The following GABRB3 variants were observed in gnomAD, a reference collection of about 807,000 sequenced individuals.
GABRB3 encodes the protein gamma-aminobutyric acid type A receptor subunit beta3.
Under a neutral mutation model 52.1 loss-of-function variants are expected in GABRB3, and 14 were observed. The ratio of observed to expected loss-of-function variants is 0.27; its 90% confidence interval spans 0.18 to 0.42. The LOEUF (loss-of-function observed/expected upper bound fraction) is 0.42, where lower values mean the gene tolerates loss of function less well. Among genes scored for constraint, GABRB3 ranks in the 10% least tolerant of loss-of-function variants. GABRB3 has a pLI of 1.00. For missense variants in GABRB3, 307 were observed against 609.1 expected (o/e 0.50, Z 5.22); for synonymous variants, 260 against 232.3 (o/e 1.12, Z -1.08).
At chr15:26,668,310 G>A (rs1887778434) in intron 3 of GABRB3, among the ~76,000 whole-genome samples, 1 of 152,188 alleles carries the variant, frequency 6.6e-6, no homozygotes, top group Non-Finnish European at 1.5e-5. Context: ...TAGTGCTAAT[G>A]TGCTATAAAA....
chr15:26,615,893 C>T, intron 4 of GABRB3: 7 of 1,267,102 alleles, frequency 5.5e-6, no homozygotes, highest in Non-Finnish European at 7.2e-6. Flanking sequence ...ATTTCAAGCA[C>T]ATAATCAGTA....
intron 3 of GABRB3, among the ~76,000 whole-genome samples, chr15:26,711,721 G>A (rs759726745): frequency 1.3e-5 from 2 of 152,184 alleles, no homozygotes; most frequent in Non-Finnish European, 2.9e-5. Flanking sequence ...CCGCTAGCAT[G>A]GAAGAAGACT....
At chr15:26,737,317 C>T (rs1214031158) in intron 3 of GABRB3, among the ~76,000 whole-genome samples, 1 of 152,180 alleles carries the variant, frequency 6.6e-6, no homozygotes, top group Non-Finnish European at 1.5e-5. Context: ...CAGTCAACCA[C>T]CAAAGTGATT....
At chr15:26,689,354 C>T (rs919328248) in intron 3 of GABRB3, among the ~76,000 whole-genome samples, 1 of 152,102 alleles carries the variant, frequency 6.6e-6, no homozygotes, top group African/African-American at 2.4e-5. Context: ...AGGGTCACAG[C>T]CTGCATGGCC....
chr15:26,621,306 A>G lies in GABRB3; in HGVS notation c.461+8T>C. 2 of 1,612,176 alleles carry G rather than the reference A, an allele frequency of 1.2e-6. No individual in the cohort carries two copies. The highest frequency in any genetic ancestry group is 1.1e-5 in the South Asian group (1 of 91,020). ...ACAGCAAAATTGGTCCTGAAGAGGC[A>G]CACAGACCTGAGCCCATACAGCACT... On this transcript the variant is annotated splice_region_variant and intron_variant, in intron 4 of 8. Transcript: ENST00000311550. This position sits in a 1 kb window ranked among gnomAD's most constrained non-coding sequence, Gnocchi z 4.1.
At chr15:26,569,209 T>C (rs1228467208) in intron 6 of GABRB3, 2 of 152,212 alleles carry the variant, frequency 1.3e-5, no homozygotes, top group Non-Finnish European at 2.9e-5. Context: ...ACTACTACCA[T>C]TATGCAGGAG....
At position 26,773,040 on chromosome 15, in the gene GABRB3, TGCCGCCGCCGCC is replaced by T. The variant is rs548775630; in HGVS notation, c.-90_-79del. 8.0e-6 allele frequency: 8 copies of T among 1,004,148 alleles called. 1 individual carries two copies. The highest frequency in any genetic ancestry group is 5.5e-5 in the Admixed American group (1 of 18,226). 62.2% of individuals were successfully genotyped at this position (1,004,148 alleles called of 1,614,324 possible). ...CCGCAGCCGGGGCTGCTCCTGCTGC[TGCCGCCGCCGCC>T]GCCGCCGCCGCGCTGGCCCGGAGCG... is the stretch of plus-strand genomic sequence containing the variant. On this transcript the variant is annotated 5_prime_UTR_variant, in exon 1 of 9. Coordinates refer to ENST00000311550, the MANE Select transcript of GABRB3 (RefSeq NM_000814.6).
chr15:26,730,303 A>G (rs1257319264), intron 3 of GABRB3, among the ~76,000 whole-genome samples: 2 of 151,690 alleles, frequency 1.3e-5, no homozygotes, highest in African/African-American at 4.8e-5. Context: ...CTGTAGTCCC[A>G]GCTACTCGGG....
At chr15:26,679,080 G>A (rs1008420246) in intron 3 of GABRB3, among the ~76,000 whole-genome samples, 1 of 152,068 alleles carries the variant, frequency 6.6e-6, no homozygotes, top group East Asian at 1.9e-4. Flanking sequence ...CGCCCCGGGG[G>A]CACCAACAAG....
chr15:26,723,024 G>A (rs1164363402), intron 3 of GABRB3, among the ~76,000 whole-genome samples: 1 of 152,140 alleles, frequency 6.6e-6, no homozygotes, highest in African/African-American at 2.4e-5. Context: ...ATTCAGAGTA[G>A]CTTCCAAAAT....
At chr15:26,624,784 G>T (rs988619509) in intron 3 of GABRB3, 143 of 985,522 alleles carry the variant, frequency 1.5e-4, no homozygotes, top group Middle Eastern at 5.2e-4. Flanking sequence ...ACAAAGGGAA[G>T]GGGGTGGTGG....
At chr15:26,657,187 G>A (rs1299576068) in intron 3 of GABRB3, 1 of 152,138 alleles carries the variant, frequency 6.6e-6, no homozygotes, top group East Asian at 1.9e-4. Flanking sequence ...ATTTGGGGTT[G>A]GCCCTTTGTC....
At chr15:26,688,027 A>C (rs2140659235) in intron 3 of GABRB3, among the ~76,000 whole-genome samples, 1 of 152,340 alleles carries the variant, frequency 6.6e-6, no homozygotes, top group South Asian at 2.1e-4. Context: ...TATGACCTTC[A>C]GCCAAAAAGT....
intron 3 of GABRB3, among the ~76,000 whole-genome samples, chr15:26,724,050 G>A (rs927821827): frequency 7.2e-5 from 11 of 152,118 alleles, no homozygotes; most frequent in African/African-American, 1.9e-4. Context: ...TACAGTCCAC[G>A]TGTACATCAC....
chr15:26,618,466 T>C (rs998568787), intron 4 of GABRB3, among the ~76,000 whole-genome samples: 378 of 152,116 alleles, frequency 2.5e-3, no homozygotes, highest in Middle Eastern at 6.8e-3. Context: ...TAGCCATATG[T>C]AGAAAGCTGA....
chr15:26,772,655 G>A lies in GABRB3; in HGVS notation c.172+26C>T, dbSNP rs202201165. 112 of 1,537,438 alleles carry A rather than the reference G, an allele frequency of 7.3e-5. No individual in the cohort carries two copies. In the African/African-American group the frequency reaches 1.4e-3, roughly 19 times the overall value. The stretch of plus-strand genomic sequence containing the variant: ...GCCGCCGCCGTGGGTCGCGCTTCCC[G>A]CAACGGCCGCGCGCAGCCCACTTAC... On this transcript the variant is annotated intron_variant, in intron 2 of 8. Transcript: ENST00000311550.
At chr15:26,592,788 G>A (rs557841727) in intron 4 of GABRB3, among the ~76,000 whole-genome samples, 2 of 152,082 alleles carry the variant, frequency 1.3e-5, no homozygotes, top group African/African-American at 4.8e-5. Context: ...GCCGAGGCGG[G>A]TGGATCACAA....
chr15:26,590,196 C>T (rs991981991), intron 4 of GABRB3: 4 of 50,038 alleles, frequency 8.0e-5, no homozygotes, highest in South Asian at 1.6e-3. Context: ...TCAGCTGCAG[C>T]GAAGACCACA....
intron 3 of GABRB3, among the ~76,000 whole-genome samples, chr15:26,688,540 C>T (rs1170064275): frequency 6.6e-6 from 1 of 152,194 alleles, no homozygotes; most frequent in Non-Finnish European, 1.5e-5. Flanking sequence ...TTCAAACATG[C>T]TCTGAAGGAA....
Sources: allele counts gnomAD v4.1 joint callset (sites outside exome capture counted in the v4.1 genomes callset), GRCh38; gene constraint gnomAD v4.1.1; non-coding constraint Gnocchi (gnomAD v3.1); transcripts MANE v1.5; gene names NCBI Gene and HGNC (gene_info 2026-07-23, HGNC 2026-07-21).